RNGTT: variants seen among roughly 807,000 people sequenced by gnomAD.
RNGTT encodes RNA guanylyltransferase and 5'-phosphatase.
In RNGTT, 33 loss-of-function variants were observed where a neutral mutation model predicts 79.3. That is an observed-to-expected ratio of 0.42 (90% CI 0.32 to 0.56). The LOEUF is 0.56. Ranked by LOEUF, RNGTT falls within the 20% of genes least tolerant of loss-of-function variation. The pLI, the probability that RNGTT is intolerant of heterozygous loss-of-function variation, is 0.17. For synonymous variants in RNGTT, 222 were observed against 235.9 expected, an observed-to-expected ratio of 0.94 and a Z score of 0.54; for missense variants, 497 against 739.1, an observed-to-expected ratio of 0.67 and a Z score of 3.80.
chr6:88,782,736 T>G (rs1179418659), intron 12 of RNGTT, among the ~76,000 whole-genome samples: 1 of 152,094 alleles, frequency 6.6e-6, no homozygotes. Flanking sequence ...GTAAGGGCCC[T>G]GAATAGACAC....
chr6:88,710,314 T>TAC (rs1398398046), intron 13 of RNGTT, among the ~76,000 whole-genome samples: 1 of 152,258 alleles, frequency 6.6e-6, no homozygotes, highest in Non-Finnish European at 1.5e-5. Flanking sequence ...TACATATGTA[T>TAC]TTAAATATAC....
intron 11 of RNGTT, among the ~76,000 whole-genome samples, chr6:88,803,249 G>C (rs2127864382): frequency 6.6e-6 from 1 of 152,136 alleles, no homozygotes; most frequent in Non-Finnish European, 1.5e-5. Flanking sequence ...CAGAGGCTTG[G>C]GGGGTAGTCT....
intron 12 of RNGTT, among the ~76,000 whole-genome samples, chr6:88,770,871 C>A (rs908510297): frequency 5.9e-5 from 9 of 152,146 alleles, no homozygotes; most frequent in African/African-American, 2.2e-4. Context: ...TGGTGAAGAT[C>A]TTTTCTTTTG....
At chr6:88,762,051 A>T (rs533997750) in intron 13 of RNGTT, among the ~76,000 whole-genome samples, 2 of 152,148 alleles carry the variant, frequency 1.3e-5, no homozygotes, top group African/African-American at 4.8e-5. Context: ...CTTACTTTAA[A>T]CAGACACGAA....
At chr6:88,957,313 A>C (rs1785468434) in intron 1 of RNGTT, among the ~76,000 whole-genome samples, 1 of 152,196 alleles carries the variant, frequency 6.6e-6, no homozygotes, top group Non-Finnish European at 1.5e-5. Context: ...CTGGAACAAG[A>C]CAAGGATGCT....
intron 9 of RNGTT, among the ~76,000 whole-genome samples, chr6:88,853,230 G>A (rs943752051): frequency 6.6e-6 from 1 of 152,204 alleles, no homozygotes; most frequent in African/African-American, 2.4e-5. Context: ...AGATTTGGCT[G>A]GGCGCAGTGG....
intron 12 of RNGTT, among the ~76,000 whole-genome samples, chr6:88,790,979 A>G (rs1400938634): frequency 1.3e-5 from 2 of 152,168 alleles, no homozygotes; most frequent in Non-Finnish European, 2.9e-5. Context: ...TTATTAAGCT[A>G]TAACTTTGGT....
At chr6:88,645,390 G>A (rs922804023) in intron 14 of RNGTT, among the ~76,000 whole-genome samples, 1 of 152,094 alleles carries the variant, frequency 6.6e-6, no homozygotes, top group Admixed American at 6.5e-5. Context: ...CATGCTCATG[G>A]GTAGGAAGAA....
intron 2 of RNGTT, among the ~76,000 whole-genome samples, chr6:88,936,052 T>C (rs1236680246): frequency 6.6e-6 from 1 of 152,154 alleles, no homozygotes; most frequent in Non-Finnish European, 1.5e-5. Flanking sequence ...CCTGTGTAGG[T>C]GGAACTAGAA....
intron 13 of RNGTT, among the ~76,000 whole-genome samples, chr6:88,690,841 G>A (rs1371219028): frequency 6.6e-6 from 1 of 152,076 alleles, no homozygotes; most frequent in Non-Finnish European, 1.5e-5. Context: ...CTAGGATCTG[G>A]CAATTCCAAT....
intron 2 of RNGTT, among the ~76,000 whole-genome samples, chr6:88,938,850 T>G (rs565438078): frequency 6.6e-6 from 1 of 152,366 alleles, no homozygotes; most frequent in Admixed American, 6.5e-5. Context: ...GGAAAGACTT[T>G]ATTTCTCCTT....
At position 88,784,963 on chromosome 6, in the gene RNGTT, G is replaced by A. The variant is rs540900701; in HGVS notation, c.1339-15089C>T. On this transcript the variant is annotated intron_variant, in intron 12 of 15. Transcript: ENST00000369485. ...ATATAAAGAAACTGGGAAGAAGTATGAGAGGGAAATTTTCTTCTATGTATT... is the reference window on the plus strand; with the variant it reads ...ATATAAAGAAACTGGGAAGAAGTATAAGAGGGAAATTTTCTTCTATGTATT... 3.9e-5 allele frequency among the ~76,000 whole-genome samples: 6 copies of A among 152,232 alleles called. No individual in the cohort carries two copies. In the East Asian group the frequency reaches 9.6e-4, roughly 24 times the overall value.
At chr6:88,678,258 G>A (rs190908561) in intron 14 of RNGTT, 95 bp downstream of exon 14, 494 of 1,503,784 alleles carry the variant, frequency 3.3e-4, no homozygotes, top group Middle Eastern at 5.4e-4. Context: ...GCTGGAACAC[G>A]ATATTTTTAT....
chr6:88,753,288 T>G (rs1322680419), intron 13 of RNGTT, among the ~76,000 whole-genome samples: 1 of 151,976 alleles, frequency 6.6e-6, no homozygotes. Flanking sequence ...GAGGACTGCT[T>G]GAGCCTAGGA....
intron 14 of RNGTT, among the ~76,000 whole-genome samples, chr6:88,619,075 T>G (rs1010047764): frequency 2.0e-5 from 3 of 152,224 alleles, no homozygotes; most frequent in African/African-American, 7.2e-5. Context: ...CTCAAATTGT[T>G]CTAGTTTTGG....
intron 13 of RNGTT, among the ~76,000 whole-genome samples, chr6:88,764,769 A>G (rs1385577337): frequency 2.6e-5 from 4 of 152,232 alleles, no homozygotes; most frequent in Non-Finnish European, 4.4e-5. Flanking sequence ...CTCAGGACAT[A>G]TACTACCTTA....
intron 13 of RNGTT, among the ~76,000 whole-genome samples, chr6:88,699,664 CAACA>C (rs1387054307): frequency 3.3e-5 from 5 of 152,218 alleles, no homozygotes; most frequent in South Asian, 2.1e-4. Context: ...GGCCCTGTCT[CAACA>C]AACAAACAAA....
At chr6:88,809,180 A>C (rs1215576622) in intron 11 of RNGTT, among the ~76,000 whole-genome samples, 1 of 152,212 alleles carries the variant, frequency 6.6e-6, no homozygotes, top group Non-Finnish European at 1.5e-5. Context: ...GGGTCAATTC[A>C]TCAGGAGTCT....
chr6:88,831,038 A>C (rs1341193208), intron 11 of RNGTT, among the ~76,000 whole-genome samples: 7 of 152,194 alleles, frequency 4.6e-5, no homozygotes, highest in Non-Finnish European at 1.0e-4. Context: ...ATTCCTTCTG[A>C]AACTATTCCA....
Sources: gnomAD v4.1 joint callset for allele counts (sites outside exome capture counted in the v4.1 genomes callset) on GRCh38, gnomAD v4.1.1 for gene constraint, MANE v1.5 for transcripts, NCBI Gene and HGNC (gene_info 2026-07-23, HGNC 2026-07-21) for gene names.